ZNF584: variants seen among roughly 807,000 people sequenced by gnomAD.
ZNF584 encodes zinc finger protein 584.
In ZNF584, 12 loss-of-function variants were observed where a neutral mutation model predicts 14.7. That is an observed-to-expected ratio of 0.82 (90% CI 0.52 to 1.32). The LOEUF is 1.32. Among genes scored for constraint, ZNF584 ranks in the 40% most tolerant of loss-of-function variants. The pLI is 0.00. For missense variants in ZNF584, 478 were observed against 518.8 expected, an observed-to-expected ratio of 0.92 and a Z score of 0.76; for synonymous variants, 204 against 190.9, an observed-to-expected ratio of 1.07 and a Z score of -0.57.
At position 58,410,541 on chromosome 19, in the gene ZNF584, A is replaced by ATATATATATG. The variant is rs2052536794; in HGVS notation, c.169+459_169+460insGTATATATAT. Among the ~76,000 whole-genome samples, 4 of 43,800 alleles carry ATATATATATG rather than the reference A, an allele frequency of 9.1e-5. 1 individual carries two copies. The highest frequency in any genetic ancestry group is 1.4e-4 in the Non-Finnish European group (4 of 27,738). 28.7% of individuals were successfully genotyped at this position (43,800 alleles called of 152,430 possible). A position where few individuals can be genotyped will look rare whatever the true frequency, so the allele number is the denominator to read the frequency against. On this transcript the variant is annotated intron_variant, in intron 2 of 3. Coordinates refer to ENST00000306910, the MANE Select transcript of ZNF584 (RefSeq NM_173548.3). The stretch of plus-strand genomic sequence containing the variant: ...GAAATATATATATATATATATATAT[A>ATATATATATG]TATATATATATATATATGTGTATAT...
At chr19:58,412,199 C>CTTTTTTTTTTTTTTTT (rs35188048) in intron 2 of ZNF584, among the ~76,000 whole-genome samples, 2 of 83,936 alleles carry the variant, frequency 2.4e-5, no homozygotes, top group African/African-American at 1.2e-4. Flanking sequence ...CCAGGGTGGT[C>CTTTTTTTTTTTTTTTT]TTTTTTTTTT....
intron 3 of ZNF584, chr19:58,416,488 C>T (rs150142799): frequency 0.012 from 2,436 of 203,100 alleles, 119 homozygotes; most frequent in Admixed American, 0.072. Context: ...ACTGCAGCCT[C>T]TGCCTCTGGA....
At position 58,417,228 on chromosome 19, in the gene ZNF584, C is replaced by T; in HGVS notation, c.710C>T (p.Thr237Ile). The T allele has an allele frequency of 6.2e-7, 1 of 1,614,178 alleles. No homozygotes were observed. The highest frequency in any genetic ancestry group is 8.5e-7 in the Non-Finnish European group (1 of 1,180,040). Residue 237 changes from threonine to isoleucine, a missense_variant, in exon 4 of 4, where the codon ACA becomes ATA. Around this residue, in one of 3 missense-constraint regions of ZNF584, gnomAD observed 283 missense variants for 317.3 expected, o/e 0.89. Transcript: ENST00000306910. ...SKLRKHQKVH[T>I]GIKPFKCSDC... is the part of the protein sequence containing the mutation. ...CTGAGGAAACACCAGAAGGTTCACACAGGCATAAAACCTTTTAAGTGTAGT... is the reference window on the plus strand; with the variant it reads ...CTGAGGAAACACCAGAAGGTTCACATAGGCATAAAACCTTTTAAGTGTAGT...
chr19:58,416,768 C>T (rs763933357), intron 3 of ZNF584, 43 bp from the exon 4 acceptor site: 1 of 1,516,868 alleles, frequency 6.6e-7, no homozygotes, highest in Non-Finnish European at 8.8e-7. Flanking sequence ...GGTACCTCCT[C>T]CCTCTAGTTC....
In ZNF584 at chr19:58,417,823, G is replaced by C; in HGVS notation, c.*39G>C. 6.4e-7 allele frequency: 1 copy of C among 1,555,030 alleles called. No individual in the cohort carries two copies. Among genetic ancestry groups the C allele is most frequent in the Non-Finnish European group, 8.7e-7 (1 of 1,152,356 alleles). ...AGGAAAGGTCTTATTCCAGAAAGGA[G>C]GTTAAGGAGAGTGGCCGTGAGAGTG... On this transcript the variant is annotated 3_prime_UTR_variant, in exon 4 of 4. Coordinates refer to ENST00000306910, the MANE Select transcript of ZNF584 (RefSeq NM_173548.3).
At chr19:58,410,350 A>G (rs1266897387) in intron 2 of ZNF584, among the ~76,000 whole-genome samples, 1 of 150,790 alleles carries the variant, frequency 6.6e-6, no homozygotes, top group African/African-American at 2.4e-5. Context: ...CAGATGTTTC[A>G]TAGTTTGCCC....
chr19:58,417,607 C>T lies in ZNF584; in HGVS notation c.1089C>T (p.Phe363=), dbSNP rs775622125. 6.2e-7 allele frequency: 1 copy of T among 1,614,164 alleles called. No individual in the cohort carries two copies. The highest frequency in any genetic ancestry group is 8.5e-7 in the Non-Finnish European group (1 of 1,180,038). Residue 363 remains phenylalanine, a synonymous_variant, in exon 4 of 4, where the codon TTC becomes TTT. Coordinates refer to ENST00000306910, the MANE Select transcript of ZNF584 (RefSeq NM_173548.3). The stretch of plus-strand genomic sequence containing the variant: ...AATGTAGCCTGTGTGGGAAAACCTT[C>T]ACTACCAGATCCTACCGCAATCGGC... ...PYECSLCGKT[F]TTRSYRNRHQ...
Position 58,412,481 on chromosome 19 carries a change from T to G in ZNF584, c.169+2390T>G, listed in dbSNP as rs927197838. The stretch of plus-strand genomic sequence containing the variant: ...GCCTCGGCCTCCCAAAGTGCTGGGA[T>G]TACAGGCGTGAGCCACCACGCCCGG... On this transcript the variant is annotated intron_variant, in intron 2 of 3. Coordinates refer to ENST00000306910, the MANE Select transcript of ZNF584 (RefSeq NM_173548.3). Among the ~76,000 whole-genome samples, 5 of 151,964 alleles carry G rather than the reference T, an allele frequency of 3.3e-5. No homozygotes were observed. In the South Asian group the frequency reaches 1.0e-3, roughly 32 times the overall value.
rs189397285 is a variant in ZNF584, at chr19:58,415,982, C to T, written c.292+336C>T. 879 of 1,586,306 alleles carry T rather than the reference C, an allele frequency of 5.5e-4. 5 individuals are homozygous for T. The Middle Eastern group carries it at 0.016, about 28-fold the overall frequency. On this transcript the variant is annotated intron_variant, in intron 3 of 3. Coordinates refer to ENST00000306910, the MANE Select transcript of ZNF584 (RefSeq NM_173548.3). ...CAATCCTTAATTAATACTTAAACAC[C>T]AGCTACTATTTTGGAATCACATTTT...
At chr19:58,413,421 A>G (rs938150293) in intron 2 of ZNF584, among the ~76,000 whole-genome samples, 38 of 151,596 alleles carry the variant, frequency 2.5e-4, no homozygotes, top group African/African-American at 9.2e-4. Flanking sequence ...TCTCGGCTCA[A>G]TGCAATCTCC....
upstream of ZNF584, chr19:58,404,960 AC>A (rs2052455811): frequency 7.2e-6 from 1 of 139,784 alleles, no homozygotes; most frequent in Non-Finnish European, 1.5e-5. Context: ...GGCGCCCCTC[AC>A]CTCCCGGACG....
upstream of ZNF584, chr19:58,407,144 T>C (rs553784263): frequency 6.6e-6 from 1 of 151,344 alleles, no homozygotes; most frequent in Non-Finnish European, 1.5e-5. Context: ...GGTAGATCTC[T>C]TCAGGGTCCC....
At chr19:58,415,838 C>T (rs749684739) in intron 3 of ZNF584, 192 bp downstream of exon 3, 1 of 1,601,302 alleles carries the variant, frequency 6.2e-7, no homozygotes, top group Non-Finnish European at 8.5e-7. Context: ...GTTCCTGCCT[C>T]TCTGGCCTGC....
In ZNF584 at chr19:58,408,988, C is replaced by A; in HGVS notation, c.-160C>A. 1 of 919,110 alleles carries A rather than the reference C, an allele frequency of 1.1e-6. No homozygotes were observed. Among genetic ancestry groups the A allele is most frequent in the South Asian group, 2.0e-5 (1 of 49,644 alleles). The allele number at this position is 919,110 out of a possible 1,614,324, so 56.9% of individuals were successfully genotyped here. ...CCCGGGCCTCCGTACCGTCCTCCTT[C>A]CCAGCGGCTCCGGGAAGCGGTTCCC... On this transcript the variant is annotated 5_prime_UTR_variant, in exon 1 of 4. Coordinates refer to ENST00000306910, the MANE Select transcript of ZNF584 (RefSeq NM_173548.3).
intron 2 of ZNF584, among the ~76,000 whole-genome samples, chr19:58,410,782 T>TTTTTTTTTTA (rs2052560510): frequency 4.5e-5 from 1 of 22,396 alleles, no homozygotes; most frequent in African/African-American, 3.9e-4. Flanking sequence ...TATATAATTT[T>TTTTTTTTTTA]TTTTTTTTTT....
Position 58,415,732 on chromosome 19 carries a change from G to A in ZNF584, c.292+86G>A. ...CTGCATACACCGATACCTTGGTGTTGAGGGCAGTGACCATACCTTATTTCC... is the reference window on the plus strand; with the variant it reads ...CTGCATACACCGATACCTTGGTGTTAAGGGCAGTGACCATACCTTATTTCC... On this transcript the variant is annotated intron_variant, in intron 3 of 3. Coordinates refer to ENST00000306910, the MANE Select transcript of ZNF584 (RefSeq NM_173548.3). 2.5e-6 allele frequency: 4 copies of A among 1,610,018 alleles called. No homozygotes were observed. In the South Asian group the frequency reaches 4.4e-5, roughly 18 times the overall value.
intron 2 of ZNF584, among the ~76,000 whole-genome samples, chr19:58,412,489 G>A (rs992676537): frequency 2.6e-5 from 4 of 151,862 alleles, no homozygotes; most frequent in African/African-American, 4.8e-5. Flanking sequence ...GATTACAGGC[G>A]TGAGCCACCA....
Position 58,417,496 on chromosome 19 carries a change from T to G in ZNF584, c.978T>G (p.Phe326Leu). The G allele has an allele frequency of 6.2e-7, 1 of 1,614,190 alleles. No homozygotes were observed. Among genetic ancestry groups the G allele is most frequent in the East Asian group, 2.2e-5 (1 of 44,888 alleles). ...GAGTTCACACTGGAGAAAGGCCTTT[T>G]GAATGCAAGCAATGTGGGAAAGGCT... is the stretch of plus-strand genomic sequence containing the variant. ...HQRVHTGERP[F>L]ECKQCGKGYV... Residue 326 changes from phenylalanine (F) to leucine (L), a missense_variant, in exon 4 of 4, where the codon TTT (phenylalanine) becomes TTG (leucine). This residue lies in a region of ZNF584 where 283 missense variants were observed against 317.3 expected (regional missense o/e 0.89). Coordinates refer to ENST00000306910, the MANE Select transcript of ZNF584 (RefSeq NM_173548.3).
chr19:58,402,824 C>CAAA (rs35168811), intron 1 of ZNF584, among the ~76,000 whole-genome samples: 114 of 47,462 alleles, frequency 2.4e-3, no homozygotes, highest in African/African-American at 5.4e-3. Context: ...AACTGCGTCT[C>CAAA]AAAAAAAAAA....
Sources: gnomAD v4.1 joint callset for allele counts (sites outside exome capture counted in the v4.1 genomes callset) on GRCh38, gnomAD v4.1.1 for gene constraint, gnomAD v4.1.1 regional missense constraint, MANE v1.5 for transcripts, NCBI Gene and HGNC (gene_info 2026-07-23, HGNC 2026-07-21) for gene names.